Variants in CNOT2 observed in about 807,000 individuals in gnomAD.
The protein encoded by CNOT2 is CC chemokine receptor 4-negative regulator of transcription 2.
In CNOT2, 7 loss-of-function variants were observed where a neutral mutation model predicts 72.1. The observed-to-expected ratio is 0.10, with a 90% confidence interval of 0.06 to 0.18. The LOEUF (loss-of-function observed/expected upper bound fraction) is 0.18. Among genes scored for constraint, CNOT2 ranks in the 10% least tolerant of loss-of-function variants. The pLI, the probability that CNOT2 is intolerant of heterozygous loss-of-function variation, is 1.00. For missense variants in CNOT2, 345 were observed against 660.3 expected, an observed-to-expected ratio of 0.52 and a Z score of 5.23; for synonymous variants, 196 against 225.6, an observed-to-expected ratio of 0.87 and a Z score of 1.17.
At chr12:70,311,864 G>A (rs1876526188) in intron 3 of CNOT2, among the ~76,000 whole-genome samples, 1 of 151,866 alleles carries the variant, frequency 6.6e-6, no homozygotes, top group South Asian at 2.1e-4. Context: ...GATGTTTGAA[G>A]CATTTATAAA....
At chr12:70,324,555 T>C (rs1034984353) in intron 4 of CNOT2, among the ~76,000 whole-genome samples, 9 of 151,762 alleles carry the variant, frequency 5.9e-5, no homozygotes, top group Non-Finnish European at 1.3e-4. Flanking sequence ...TGAGTGCCAC[T>C]AATCTAGAGC....
intron 2 of CNOT2, among the ~76,000 whole-genome samples, chr12:70,289,901 C>T (rs1871580101): frequency 6.6e-6 from 1 of 151,688 alleles, no homozygotes; most frequent in Non-Finnish European, 1.5e-5. Context: ...TGCTTGGATG[C>T]CAGTCTTTGG....
intron 2 of CNOT2, among the ~76,000 whole-genome samples, chr12:70,292,691 G>A (rs1286550989): frequency 6.6e-6 from 1 of 152,208 alleles, no homozygotes; most frequent in Admixed American, 6.5e-5. Context: ...AATGGTGCAG[G>A]AGTCCATTGT....
At chr12:70,275,905 C>T (rs2135795104) in intron 1 of CNOT2, among the ~76,000 whole-genome samples, 1 of 152,046 alleles carries the variant, frequency 6.6e-6, no homozygotes, top group Middle Eastern at 3.4e-3. Flanking sequence ...CAGATGTTAA[C>T]TTTTCATGTT....
chr12:70,335,171 A>T (rs995762345), intron 7 of CNOT2: 1 of 245,424 alleles, frequency 4.1e-6, no homozygotes, highest in Non-Finnish European at 7.9e-6. Context: ...TGGGGGAAAT[A>T]TATGCTTTTT....
intron 2 of CNOT2, among the ~76,000 whole-genome samples, chr12:70,304,394 TTC>T (rs1433634198): frequency 1.3e-5 from 2 of 152,176 alleles, no homozygotes; most frequent in Non-Finnish European, 1.5e-5. Flanking sequence ...TGGATGTCCT[TTC>T]TGTTTGTTAG....
intron 4 of CNOT2, chr12:70,324,424 T>G (rs1028014126): frequency 6.6e-6 from 1 of 151,708 alleles, no homozygotes; most frequent in Non-Finnish European, 1.5e-5. Context: ...AGTGGAGGTG[T>G]TGAGAAGTGA....
chr12:70,294,449 T>C (rs1872503041), intron 2 of CNOT2, among the ~76,000 whole-genome samples: 1 of 152,174 alleles, frequency 6.6e-6, no homozygotes, highest in African/African-American at 2.4e-5. Context: ...ATAAATTATT[T>C]AAAAAATAGT....
chr12:70,331,067 T>C (rs954987967), intron 6 of CNOT2: 1 of 151,992 alleles, frequency 6.6e-6, no homozygotes, highest in African/African-American at 2.4e-5. Context: ...TTTCAAGCTG[T>C]TTGGGTAATT....
chr12:70,344,989 CTAT>C (rs1881981275), intron 14 of CNOT2: 1 of 152,106 alleles, frequency 6.6e-6, no homozygotes, highest in Non-Finnish European at 1.5e-5. Context: ...TATCAGCAGT[CTAT>C]TGGCCAGTTT....
intron 1 of CNOT2, among the ~76,000 whole-genome samples, chr12:70,248,181 A>G (rs1424220928): frequency 3.9e-5 from 6 of 152,146 alleles, no homozygotes; most frequent in Non-Finnish European, 5.9e-5. Flanking sequence ...CCATGAGCTC[A>G]TATTAGATTT....
At chr12:70,351,114 C>A (rs1465143471) in intron 15 of CNOT2, among the ~76,000 whole-genome samples, 1 of 152,108 alleles carries the variant, frequency 6.6e-6, no homozygotes, top group Non-Finnish European at 1.5e-5. Context: ...ATCTAGAAAT[C>A]CTTTTTTTTC....
chr12:70,302,069 C>T (rs1362543294), intron 2 of CNOT2, among the ~76,000 whole-genome samples: 1 of 152,066 alleles, frequency 6.6e-6, no homozygotes, highest in Non-Finnish European at 1.5e-5. Context: ...GGTGATATCC[C>T]CTTTGGCATT....
chr12:70,266,340 CTCAAA>C (rs1411177356), intron 1 of CNOT2, among the ~76,000 whole-genome samples: 2 of 152,226 alleles, frequency 1.3e-5, no homozygotes, highest in East Asian at 3.9e-4. Context: ...TCAGACTTGC[CTCAAA>C]CTCCTGACCT....
intron 1 of CNOT2, among the ~76,000 whole-genome samples, chr12:70,268,307 G>A (rs1188714941): frequency 1.3e-5 from 2 of 151,926 alleles, no homozygotes; most frequent in African/African-American, 4.8e-5. Flanking sequence ...TTCTTTAGGT[G>A]GTCTGTGGAC....
At chr12:70,254,120 C>T in intron 1 of CNOT2, among the ~76,000 whole-genome samples, 1 of 151,800 alleles carries the variant, frequency 6.6e-6, no homozygotes, top group Non-Finnish European at 1.5e-5. Flanking sequence ...CGCCTGTAGT[C>T]CTAGCTACTC....
chr12:70,258,582 C>T (rs755054306), intron 1 of CNOT2, among the ~76,000 whole-genome samples: 2 of 152,104 alleles, frequency 1.3e-5, no homozygotes, highest in South Asian at 2.1e-4. Context: ...TAACTCCTAC[C>T]GTGTGCCCCA....
intron 6 of CNOT2, 34 bp from the exon 7 acceptor site, chr12:70,332,733 A>C (rs754838224): frequency 1.9e-6 from 3 of 1,568,054 alleles, no homozygotes; most frequent in Admixed American, 3.9e-5. Context: ...TAGTGTTCTT[A>C]CTGTATATCT....
intron 2 of CNOT2, among the ~76,000 whole-genome samples, chr12:70,286,981 TGAC>T (rs1173231932): frequency 6.6e-6 from 1 of 152,082 alleles, no homozygotes; most frequent in Non-Finnish European, 1.5e-5. Context: ...GAAATATAGT[TGAC>T]TTTTAAAATT....
Sources: gnomAD v4.1 joint callset for allele counts (sites outside exome capture counted in the v4.1 genomes callset) on GRCh38, gnomAD v4.1.1 for gene constraint, MANE v1.5 for transcripts, NCBI Gene and HGNC (gene_info 2026-07-23, HGNC 2026-07-21) for gene names.